The following LYRM7 variants were observed in gnomAD, a reference collection of about 807,000 sequenced individuals.
The protein encoded by LYRM7 is LYR motif containing 7.
In LYRM7, 9 loss-of-function variants were observed where a neutral mutation model predicts 15.8. The ratio of observed to expected loss-of-function variants is 0.57; its 90% CI spans 0.34 to 0.99. LYRM7 has a LOEUF of 0.99. Among genes scored for constraint, LYRM7 ranks in the 50% least tolerant of loss-of-function variants. The pLI, the probability that LYRM7 is intolerant of heterozygous loss-of-function variation, is 0.02. For synonymous variants in LYRM7, 39 were observed against 39.4 expected (o/e 0.99, Z 0.04); for missense variants, 115 against 119.1 (o/e 0.97, Z 0.16).
chr5:131,190,810 A>C (rs1157762739), intron 4 of LYRM7, among the ~76,000 whole-genome samples: 1 of 152,110 alleles, frequency 6.6e-6, no homozygotes, highest in African/African-American at 2.4e-5. Flanking sequence ...TATGTTTATA[A>C]GGGCAGAAAA....
intron 4 of LYRM7, among the ~76,000 whole-genome samples, chr5:131,197,591 G>T (rs1302191447): frequency 5.7e-5 from 8 of 139,498 alleles, no homozygotes; most frequent in African/African-American, 2.2e-4. Context: ...TCCCAGGCTG[G>T]AGTGCAGTAG....
chr5:131,196,707 G>A lies in LYRM7; in HGVS notation c.245-2824G>A, dbSNP rs549910110. On this transcript the variant is annotated intron_variant, in intron 4 of 4. Transcript: ENST00000379380. ...TTCCGAGATGGAGTCTAGCTCTGTC[G>A]CCCAGGCTGAAGTACAGTGGCACGA... Among the ~76,000 whole-genome samples the A allele has an allele frequency of 4.6e-5, 7 of 150,752 alleles. No individual in the cohort carries two copies. The East Asian group carries it at 5.9e-4, about 13-fold the overall frequency.
At position 131,198,732 on chromosome 5, in the gene LYRM7, G is replaced by A. The variant is rs7719776; in HGVS notation, c.245-799G>A. The stretch of plus-strand genomic sequence containing the variant: ...CAGGCATGCACCACCACACCCAGCT[G>A]ATTTTTTTTTTTTTTTTCAGTAGAG... On this transcript the variant is annotated intron_variant, in intron 4 of 4. Transcript: ENST00000379380. Among the ~76,000 whole-genome samples the A allele has an allele frequency of 1.5e-3, 220 of 145,978 alleles. 1 individual carries two copies. The highest frequency in any genetic ancestry group is 5.3e-3 in the African/African-American group (202 of 37,968).
chr5:131,175,756 T>TTTTG (rs1375437780), intron 1 of LYRM7, among the ~76,000 whole-genome samples: 2 of 151,702 alleles, frequency 1.3e-5, no homozygotes, highest in African/African-American at 4.8e-5. Flanking sequence ...GCTGGTTTTG[T>TTTTG]TTTGTTTTGT....
chr5:131,181,316 T>TATAC lies in LYRM7; in HGVS notation c.92-912_92-911insTACA, dbSNP rs1208669077. Among the ~76,000 whole-genome samples, 12 of 27,634 alleles carry TATAC rather than the reference T, an allele frequency of 4.3e-4. 2 individuals carry two copies. The highest frequency in any genetic ancestry group is 1.7e-3 in the East Asian group (2 of 1,156). 18.1% of individuals were successfully genotyped at this position (27,634 alleles called of 152,430 possible). A position where few individuals can be genotyped will look rare whatever the true frequency, so the allele number is the denominator to read the frequency against. On this transcript the variant is annotated intron_variant, in intron 2 of 4. Transcript: ENST00000379380. ...AAAAAAAAAAAAATATATATATATA[T>TATAC]ACACACACACACACATATATATAAC...
At chr5:131,171,190 C>T (rs1016221720) in intron 1 of LYRM7, 152 bp downstream of exon 1, 2 of 779,594 alleles carry the variant, frequency 2.6e-6, no homozygotes, top group African/African-American at 2.1e-5. Flanking sequence ...TGACCAACTC[C>T]TAGGGGCAGT....
chr5:131,181,458 T>TATATATGTATATATATATAAAAC (rs1561544566), intron 2 of LYRM7, among the ~76,000 whole-genome samples: 1 of 112,960 alleles, frequency 8.9e-6, no homozygotes, highest in African/African-American at 4.9e-5. Context: ...ATATAAAACA[T>TATATATGTATATATATATAAAAC]ATATATGTAT....
At chr5:131,189,257 C>T (rs542440439) in intron 4 of LYRM7, among the ~76,000 whole-genome samples, 21 of 151,514 alleles carry the variant, frequency 1.4e-4, no homozygotes, top group South Asian at 6.3e-4. Context: ...TCCTGGCTAA[C>T]ACAGTGAAAC....
intron 2 of LYRM7, among the ~76,000 whole-genome samples, chr5:131,180,428 G>A (rs907542730): frequency 3.3e-5 from 5 of 151,912 alleles, no homozygotes; most frequent in Non-Finnish European, 5.9e-5. Flanking sequence ...ATCATTGCTT[G>A]CCTTATATTC....
chr5:131,188,708 TG>T (rs1429635553), intron 4 of LYRM7, among the ~76,000 whole-genome samples: 2 of 152,226 alleles, frequency 1.3e-5, no homozygotes, highest in Non-Finnish European at 2.9e-5. Context: ...CTTTTCACTT[TG>T]GTAATGTTAT....
chr5:131,181,533 TATC>T (rs200658613), intron 2 of LYRM7, among the ~76,000 whole-genome samples: 4,060 of 146,370 alleles, frequency 0.028, 214 homozygotes, highest in African/African-American at 0.097. Flanking sequence ...TTATGGTAAT[TATC>T]AACATGGAAT....
In LYRM7 at chr5:131,198,568, AT is replaced by A. The variant is rs111644184; in HGVS notation, c.245-951del. Among the ~76,000 whole-genome samples, 1,179 of 147,614 alleles carry A rather than the reference AT, an allele frequency of 8.0e-3. 11 individuals carry two copies. The highest frequency in any genetic ancestry group is 0.014 in the Middle Eastern group (4 of 284). ...CAATGTATCTCCTCAAAAATTTGGA[AT>A]TTTTTTTTTTTGAGGTGGACTGCCA... On this transcript the variant is annotated intron_variant, in intron 4 of 4. Coordinates refer to ENST00000379380, the MANE Select transcript of LYRM7 (RefSeq NM_181705.4).
In LYRM7 at chr5:131,203,722, C is replaced by T. The variant is rs554315262; in HGVS notation, c.*4121C>T. On this transcript the variant is annotated 3_prime_UTR_variant, in exon 5 of 5. Transcript: ENST00000379380. ...AATAGAAAAAACATTTATCGAAATCCCAACAAGTTGACAAATATATCCACA... is the reference window on the plus strand; with the variant it reads ...AATAGAAAAAACATTTATCGAAATCTCAACAAGTTGACAAATATATCCACA... The T allele has an allele frequency of 1.3e-5, 2 of 152,354 alleles. No homozygotes were observed. Among genetic ancestry groups the T allele is most frequent in the African/African-American group, 4.8e-5 (2 of 41,520 alleles). The allele number at this position is 152,354 out of a possible 1,614,324, so 9.4% of individuals were successfully genotyped here.
intron 4 of LYRM7, among the ~76,000 whole-genome samples, chr5:131,197,605 A>T (rs1229520357): frequency 2.3e-5 from 3 of 132,998 alleles, no homozygotes; most frequent in Non-Finnish European, 4.6e-5. Context: ...GCAGTAGCAT[A>T]ATTATTGCTC....
At chr5:131,183,340 A>G (rs142463867) in intron 3 of LYRM7, among the ~76,000 whole-genome samples, 3 of 152,210 alleles carry the variant, frequency 2.0e-5, no homozygotes, top group Non-Finnish European at 2.9e-5. Flanking sequence ...AAATGACCAT[A>G]TAATCAACTC....
intron 4 of LYRM7, among the ~76,000 whole-genome samples, chr5:131,196,856 C>T (rs1221120058): frequency 6.6e-6 from 1 of 152,100 alleles, no homozygotes; most frequent in East Asian, 1.9e-4. Flanking sequence ...CAGGGTTTCA[C>T]TGTGTTGGCC....
At chr5:131,188,054 C>T (rs796578543) in intron 4 of LYRM7, among the ~76,000 whole-genome samples, 5 of 151,800 alleles carry the variant, frequency 3.3e-5, no homozygotes, top group African/African-American at 1.2e-4. Context: ...CCCAGGAGTT[C>T]AAGACCAGCC....
intron 1 of LYRM7, among the ~76,000 whole-genome samples, chr5:131,176,087 C>T (rs558209302): frequency 2.0e-4 from 31 of 152,286 alleles, no homozygotes; most frequent in Admixed American, 5.2e-4. Context: ...GCTAATTAAG[C>T]TCTTATTAAT....
In LYRM7 at chr5:131,180,172, G is replaced by A. The variant is rs1305281513; in HGVS notation, c.91+5G>A. 2.1e-5 allele frequency: 34 copies of A among 1,599,000 alleles called. No individual in the cohort carries two copies. The highest frequency in any genetic ancestry group is 1.7e-4 in the Middle Eastern group (1 of 6,060). On this transcript the variant is annotated splice_donor_5th_base_variant and intron_variant, in intron 2 of 4. Coordinates refer to ENST00000379380, the MANE Select transcript of LYRM7 (RefSeq NM_181705.4). ...ATGATGCCAGAGCATTAGAAGGTAA[G>A]TATGTTCTTTACCCCTTTGGAGCCA...
Sources: allele counts gnomAD v4.1 joint callset (sites outside exome capture counted in the v4.1 genomes callset), GRCh38; gene constraint gnomAD v4.1.1; transcripts MANE v1.5; gene names NCBI Gene and HGNC (gene_info 2026-07-23, HGNC 2026-07-21).